The following RBFOX1 variants were observed in gnomAD, a reference collection of about 807,000 sequenced individuals.
The protein encoded by RBFOX1 is RNA binding fox-1 homolog 1.
In RBFOX1, 8 loss-of-function variants were observed where a neutral mutation model predicts 57.7. That is an observed-to-expected ratio of 0.14 (90% CI 0.08 to 0.25). RBFOX1 has a LOEUF of 0.25. RBFOX1 is among the 10% of genes least tolerant of loss of function. The probability of loss-of-function intolerance (pLI) is 1.00; values close to 1 mark genes in which losing one functional copy is unlikely to be tolerated. For synonymous variants in RBFOX1, 326 were observed against 222.4 expected (o/e 1.47, Z -4.15); for missense variants, 611 against 548.5 (o/e 1.11, Z -1.14).
chr16:6,351,238 A>T (rs1327285933), intron 2 of RBFOX1, among the ~76,000 whole-genome samples: 3 of 150,890 alleles, frequency 2.0e-5, no homozygotes, highest in South Asian at 2.1e-4. Context: ...GTAATTATAT[A>T]TATGCATATG....
intron 1 of RBFOX1, among the ~76,000 whole-genome samples, chr16:6,242,167 T>A (rs1307699254): frequency 6.6e-6 from 1 of 152,182 alleles, no homozygotes; most frequent in East Asian, 1.9e-4. Context: ...GTATATTTAT[T>A]ATGTGTACAT....
rs1227689620 is a variant in RBFOX1 at position 6,654,549 on chromosome 16, T to G, written c.-63-54T>G. ...AACACCACTGAATGTTCTCTGACCA[T>G]AAGTCTGACTCCTGTTCTTTCTCTC... On this transcript the variant is annotated intron_variant, in intron 2 of 15. Coordinates refer to ENST00000550418, the MANE Select transcript of RBFOX1 (RefSeq NM_018723.4). 2.2e-6 allele frequency: 3 copies of G among 1,378,348 alleles called. No individual in the cohort carries two copies. In the African/African-American group the frequency reaches 4.4e-5, roughly 20 times the overall value. 85.4% of individuals were successfully genotyped at this position (1,378,348 alleles called of 1,614,324 possible).
chr16:6,529,151 A>G (rs115432325), intron 2 of RBFOX1, among the ~76,000 whole-genome samples: 2,520 of 152,240 alleles, frequency 0.017, 66 homozygotes, highest in African/African-American at 0.055. Context: ...CTGTTACCCA[A>G]TCTATATAAC....
chr16:5,462,808 G>T (rs1161319766), intron 1 of RBFOX1, among the ~76,000 whole-genome samples: 1 of 152,096 alleles, frequency 6.6e-6, no homozygotes, highest in Non-Finnish European at 1.5e-5. Context: ...TGGAGGAGGC[G>T]ATGTAAGAGT....
At chr16:7,573,035 G>C (rs1018730009) in intron 5 of RBFOX1, among the ~76,000 whole-genome samples, 3 of 152,104 alleles carry the variant, frequency 2.0e-5, no homozygotes, top group Admixed American at 2.0e-4. Flanking sequence ...AAGGCAAGAA[G>C]AGATGTATGC....
intron 1 of RBFOX1, among the ~76,000 whole-genome samples, chr16:5,335,405 A>G (rs967163322): frequency 7.2e-5 from 11 of 152,272 alleles, no homozygotes; most frequent in African/African-American, 2.4e-4. Context: ...TGGAGGCTGG[A>G]GTTTTTCCCG....
At chr16:7,238,847 G>A (rs1043327949) in intron 4 of RBFOX1, among the ~76,000 whole-genome samples, 2 of 152,208 alleles carry the variant, frequency 1.3e-5, no homozygotes, top group South Asian at 2.1e-4. Context: ...ATGTGTCCAC[G>A]TGTTTTTATC....
intron 3 of RBFOX1, among the ~76,000 whole-genome samples, chr16:7,006,564 C>G (rs1214058014): frequency 6.6e-6 from 1 of 152,086 alleles, no homozygotes; most frequent in South Asian, 2.1e-4. Context: ...GTCCTCCCAC[C>G]TCACCTTCCT....
At chr16:6,701,546 C>T (rs912721102) in intron 3 of RBFOX1, among the ~76,000 whole-genome samples, 4 of 152,160 alleles carry the variant, frequency 2.6e-5, no homozygotes, top group African/African-American at 9.7e-5. Flanking sequence ...CCTCAGGAAG[C>T]TTCTATTTCT....
intron 1 of RBFOX1, among the ~76,000 whole-genome samples, chr16:6,256,472 G>A (rs555902238): frequency 1.6e-3 from 241 of 151,402 alleles, no homozygotes; most frequent in Non-Finnish European, 3.2e-3. Flanking sequence ...ACAGAGATGT[G>A]AATCAGAGAA....
intron 5 of RBFOX1, among the ~76,000 whole-genome samples, chr16:7,576,926 G>A (rs1050160541): frequency 6.6e-6 from 1 of 152,146 alleles, no homozygotes; most frequent in African/African-American, 2.4e-5. Flanking sequence ...GAGTCTGGGT[G>A]TAGAGTACTA....
intron 2 of RBFOX1, among the ~76,000 whole-genome samples, chr16:5,581,002 C>G (rs1276507762): frequency 6.6e-6 from 1 of 152,194 alleles, no homozygotes; most frequent in East Asian, 1.9e-4. Flanking sequence ...TGGGATGATT[C>G]AAGGGCTGTC....
intron 4 of RBFOX1, among the ~76,000 whole-genome samples, chr16:7,068,423 G>C (rs987533481): frequency 6.6e-6 from 1 of 152,030 alleles, no homozygotes. Context: ...GGTAGCCCAG[G>C]GTGGCCATTG....
At chr16:6,260,165 T>C (rs2097693228) in intron 1 of RBFOX1, among the ~76,000 whole-genome samples, 1 of 152,178 alleles carries the variant, frequency 6.6e-6, no homozygotes, top group African/African-American at 2.4e-5. Context: ...TGAGGGAAAG[T>C]TCTCCCATTG....
chr16:6,142,978 TCCCAG>T (rs1160256893), intron 1 of RBFOX1, among the ~76,000 whole-genome samples: 2 of 152,192 alleles, frequency 1.3e-5, no homozygotes, highest in Non-Finnish European at 2.9e-5. Context: ...AATTCCTTTC[TCCCAG>T]CTCCTGAGCA....
intron 1 of RBFOX1, among the ~76,000 whole-genome samples, chr16:6,123,068 C>G (rs571298136): frequency 6.6e-6 from 1 of 152,166 alleles, no homozygotes; most frequent in African/African-American, 2.4e-5. Context: ...TAGGGAGGTA[C>G]TTAGGAACAT....
Position 7,527,566 on chromosome 16 carries a change from G to A in RBFOX1, c.270+9177G>A, listed in dbSNP as rs1022406952. Among the ~76,000 whole-genome samples the A allele has an allele frequency of 2.0e-5, 3 of 152,222 alleles. No homozygotes were observed. In the East Asian group the frequency reaches 5.8e-4, roughly 29 times the overall value. On this transcript the variant is annotated intron_variant, in intron 5 of 15. Transcript: ENST00000550418. ...GTTAAATATCTTTAGATATTATCGG[G>A]AGAAGCAGAGTAGAATCTAGGTACA...
At chr16:5,331,205 T>TTTGGC (rs1015408505) in intron 1 of RBFOX1, among the ~76,000 whole-genome samples, 6 of 152,168 alleles carry the variant, frequency 3.9e-5, no homozygotes, top group Non-Finnish European at 8.8e-5. Flanking sequence ...ATTTAATCTG[T>TTTGGC]TTGGCTTGGC....
At chr16:5,772,703 A>T (rs141690622) in intron 3 of RBFOX1, among the ~76,000 whole-genome samples, 104 of 152,284 alleles carry the variant, frequency 6.8e-4, no homozygotes, top group South Asian at 4.6e-3. Context: ...ACCAAGGACA[A>T]TTTGCTGAGA....
Sources: allele counts gnomAD v4.1 joint callset (sites outside exome capture counted in the v4.1 genomes callset), GRCh38; gene constraint gnomAD v4.1.1; transcripts MANE v1.5; gene names NCBI Gene and HGNC (gene_info 2026-07-23, HGNC 2026-07-21).